The following TSNARE1 variants were observed in gnomAD, a reference collection of about 807,000 sequenced individuals.
TSNARE1 encodes t-SNARE domain-containing protein 1.
TSNARE1 carries 49 observed loss-of-function variants against 62.0 expected under a neutral mutation model. The ratio of observed to expected loss-of-function variants is 0.79; its 90% CI spans 0.63 to 1.00. The LOEUF (loss-of-function observed/expected upper bound fraction) is 1.00, where lower values mean the gene tolerates loss of function less well. TSNARE1 is among the 50% of genes least tolerant of loss of function. The pLI, the probability that TSNARE1 is intolerant of heterozygous loss-of-function variation, is 0.00. For missense variants in TSNARE1, 755 were observed against 700.1 expected (o/e 1.08, Z -0.88); for synonymous variants, 328 against 294.4 (o/e 1.11, Z -1.17).
chr8:142,251,327 G>GC (rs1279829375), intron 12 of TSNARE1, among the ~76,000 whole-genome samples: 5 of 123,682 alleles, frequency 4.0e-5, no homozygotes, highest in African/African-American at 6.3e-5. Context: ...TGAGAACCCC[G>GC]CCCCCCTCCC....
chr8:142,350,375 G>GA (rs1429360090), intron 2 of TSNARE1, among the ~76,000 whole-genome samples: 2 of 152,196 alleles, frequency 1.3e-5, no homozygotes, highest in Admixed American at 1.3e-4. Flanking sequence ...CGAATTTCCA[G>GA]AAAAATGCAA....
intron 12 of TSNARE1, among the ~76,000 whole-genome samples, chr8:142,260,486 GGGAGGCT>G (rs1377942728): frequency 2.0e-5 from 3 of 152,170 alleles, no homozygotes; most frequent in African/African-American, 7.2e-5. Context: ...CCCACGGCCA[GGGAGGCT>G]GGGTGGGTTA....
intron 11 of TSNARE1, chr8:142,277,209 G>A: frequency 1.0e-6 from 1 of 985,332 alleles, no homozygotes; most frequent in Non-Finnish European, 1.2e-6. Context: ...CTCCACGGGG[G>A]CCCCTTGCAC....
At position 142,350,259 on chromosome 8, in the gene TSNARE1, T is replaced by C. The variant is rs535935858; in HGVS notation, c.89-4367A>G. ...GGACCAGGGCAGGCCGGCTTCTGCA[T>C]CTGCATCTTAACCATTACATGAGGG... On this transcript the variant is annotated intron_variant, in intron 2 of 13. Transcript: ENST00000524325. Among the ~76,000 whole-genome samples, 40 of 152,286 alleles carry C rather than the reference T, an allele frequency of 2.6e-4. No individual in the cohort carries two copies. The South Asian group carries it at 8.1e-3, about 31-fold the overall frequency.
At chr8:142,274,894 A>T in intron 11 of TSNARE1, 31 bp from the exon 12 acceptor site, 2 of 1,500,428 alleles carry the variant, frequency 1.3e-6, no homozygotes, top group Non-Finnish European at 1.8e-6. Flanking sequence ...AGGCAATTAC[A>T]GATGGAGGCC....
chr8:142,369,629 A>G (rs891655474), intron 1 of TSNARE1, among the ~76,000 whole-genome samples: 3 of 152,330 alleles, frequency 2.0e-5, no homozygotes, highest in East Asian at 3.9e-4. Context: ...AGCTCAGCAG[A>G]GAAATGGAAA....
chr8:142,243,760 C>T lies in TSNARE1; in HGVS notation c.1447-14181G>A, dbSNP rs531474592. ...TAAGAGAATGTATTTAAAATGTTCT[C>T]ATCACAAAATAAGTATGTGGAGGGA... is the stretch of plus-strand genomic sequence containing the variant. On this transcript the variant is annotated intron_variant, in intron 12 of 13. Coordinates refer to ENST00000524325, the MANE Select transcript of TSNARE1 (RefSeq NM_145003.5). Among the ~76,000 whole-genome samples, 11 of 152,298 alleles carry T rather than the reference C, an allele frequency of 7.2e-5. No individual in the cohort carries two copies. In the East Asian group the frequency reaches 1.5e-3, roughly 21 times the overall value.
chr8:142,233,043 C>T (rs2130105400), intron 12 of TSNARE1, among the ~76,000 whole-genome samples: 1 of 152,330 alleles, frequency 6.6e-6, no homozygotes, highest in South Asian at 2.1e-4. Context: ...AGATGAGAAG[C>T]CACCCTCCCC....
chr8:142,389,225 TCA>T (rs1837313882), intron 1 of TSNARE1, among the ~76,000 whole-genome samples: 1 of 152,160 alleles, frequency 6.6e-6, no homozygotes, highest in African/African-American at 2.4e-5. Flanking sequence ...TGGACACATC[TCA>T]CACCATATAC....
At chr8:142,330,161 G>A (rs1434118532) in intron 6 of TSNARE1, among the ~76,000 whole-genome samples, 1 of 152,242 alleles carries the variant, frequency 6.6e-6, no homozygotes, top group Non-Finnish European at 1.5e-5. Context: ...CGGGACACAG[G>A]CCAGCACAGG....
rs1815915798 is a variant in TSNARE1, at chr8:142,217,347, GA to G, written c.*12-5035del. On this transcript the variant is annotated intron_variant, in intron 13 of 13. Transcript: ENST00000524325. ...AGAAAGAAAGAAAGAAAGAAAGAAA[GA>G]AAGAAAGAAAGAAAGAAAGAAAGAA... Among the ~76,000 whole-genome samples, 101 of 112,218 alleles carry G rather than the reference GA, an allele frequency of 9.0e-4. 2 individuals are homozygous for G. The highest frequency in any genetic ancestry group is 6.6e-3 in the Admixed American group (72 of 10,880). 73.6% of individuals were successfully genotyped at this position (112,218 alleles called of 152,430 possible).
rs538794162 is a variant in TSNARE1 at position 142,277,306 on chromosome 8, C to T, written c.1364-2443G>A. On this transcript the variant is annotated intron_variant, in intron 11 of 13. Transcript: ENST00000524325. ...AGAGAGAGCAGCCTTTGGGACCGCC[C>T]TCCCCAGACACTCGCAGAGCAGCAC... 5 of 985,412 alleles carry T rather than the reference C, an allele frequency of 5.1e-6. No individual in the cohort carries two copies. In the South Asian group the frequency reaches 1.9e-4, roughly 37 times the overall value. The allele number at this position is 985,412 out of a possible 1,614,324, so 61.0% of individuals were successfully genotyped here.
chr8:142,356,687 C>A (rs932559157), intron 1 of TSNARE1, among the ~76,000 whole-genome samples: 1 of 152,182 alleles, frequency 6.6e-6, no homozygotes, highest in Non-Finnish European at 1.5e-5. Context: ...ATCACAGAGG[C>A]GCTTTACTAC....
chr8:142,376,378 G>A (rs558245949), intron 1 of TSNARE1, among the ~76,000 whole-genome samples: 1 of 152,334 alleles, frequency 6.6e-6, no homozygotes, highest in Non-Finnish European at 1.5e-5. Flanking sequence ...TGCCTCTAAG[G>A]CGATGGCGTT....
At chr8:142,307,543 A>G (rs1826892905) in intron 9 of TSNARE1, among the ~76,000 whole-genome samples, 2 of 152,230 alleles carry the variant, frequency 1.3e-5, no homozygotes, top group Admixed American at 1.3e-4. Context: ...GGTTGCCTAT[A>G]ATATTTAATA....
chr8:142,222,589 C>G lies in TSNARE1; in HGVS notation c.*11+6884G>C, dbSNP rs1330000584. On this transcript the variant is annotated intron_variant, in intron 13 of 13. Transcript: ENST00000524325. ...TCACTCACTCAGCCACTCATTCACT[C>G]ACTCATTCATCCACTCACTCATTCA... 6.1e-3 allele frequency among the ~76,000 whole-genome samples: 858 copies of G among 141,752 alleles called. 319 individuals carry two copies. The highest frequency in any genetic ancestry group is 8.9e-3 in the Non-Finnish European group (578 of 64,606). 93.0% of individuals were successfully genotyped at this position (141,752 alleles called of 152,430 possible).
intron 13 of TSNARE1, among the ~76,000 whole-genome samples, chr8:142,226,472 T>G (rs1563759954): frequency 6.6e-6 from 1 of 152,152 alleles, no homozygotes; most frequent in East Asian, 1.9e-4. Flanking sequence ...TGCTTGTTCT[T>G]CCGTGGATCC....
chr8:142,238,373 A>G (rs1817536838), intron 12 of TSNARE1, among the ~76,000 whole-genome samples: 1 of 151,550 alleles, frequency 6.6e-6, no homozygotes, highest in African/African-American at 2.4e-5. Context: ...TCCTTTCCAC[A>G]CCATTAACTG....
At chr8:142,369,791 A>C (rs946105339) in intron 1 of TSNARE1, among the ~76,000 whole-genome samples, 1 of 152,246 alleles carries the variant, frequency 6.6e-6, no homozygotes, top group African/African-American at 2.4e-5. Flanking sequence ...AAAAAAGTGA[A>C]AAAAGAAAAC....
Sources: allele counts gnomAD v4.1 joint callset (sites outside exome capture counted in the v4.1 genomes callset), GRCh38; gene constraint gnomAD v4.1.1; transcripts MANE v1.5; gene names NCBI Gene and HGNC (gene_info 2026-07-23, HGNC 2026-07-21).